VTI1A: variants seen among roughly 807,000 people sequenced by gnomAD.
The protein encoded by VTI1A is vesicle transport through interaction with t-SNAREs 1A, also known as vesicle transport through interaction with t-SNAREs homolog 1A.
In VTI1A, 22 loss-of-function variants were observed where a neutral mutation model predicts 34.9. The ratio of observed to expected loss-of-function variants is 0.63; its 90% CI spans 0.45 to 0.90. The LOEUF is 0.90. Among genes scored for constraint, VTI1A ranks in the 40% least tolerant of loss-of-function variants. VTI1A has a pLI of 0.00. For missense variants in VTI1A, 268 were observed against 275.6 expected (o/e 0.97, Z 0.20); for synonymous variants, 87 against 97.3 (o/e 0.89, Z 0.62).
In VTI1A at chr10:112,453,675, T is replaced by C. The variant is rs961097662; in HGVS notation, c.94+6208T>C. On this transcript the variant is annotated intron_variant, in intron 1 of 7. Coordinates refer to ENST00000393077, the MANE Select transcript of VTI1A (RefSeq NM_145206.4). Reference sequence around the variant, plus strand: ...CCATCATTTTGGCTTTTTTCTTTTCTTTTTTTTAAGGACTATATTGCTTTC... The same window carrying C: ...CCATCATTTTGGCTTTTTTCTTTTCCTTTTTTTAAGGACTATATTGCTTTC... 2.0e-5 allele frequency among the ~76,000 whole-genome samples: 3 copies of C among 151,644 alleles called. No homozygotes were observed. The East Asian group carries it at 5.8e-4, about 29-fold the overall frequency.
At chr10:112,805,683 C>T (rs989333089) in intron 7 of VTI1A, among the ~76,000 whole-genome samples, 18 of 152,170 alleles carry the variant, frequency 1.2e-4, no homozygotes, top group Non-Finnish European at 1.9e-4. Context: ...AACACAGGCA[C>T]TCACACAGAG....
chr10:112,656,109 G>A (rs577017576), intron 5 of VTI1A, among the ~76,000 whole-genome samples: 2 of 152,266 alleles, frequency 1.3e-5, no homozygotes, highest in African/African-American at 2.4e-5. Flanking sequence ...AAAAGGTCCC[G>A]GTGCCATAGG....
At chr10:112,814,847 G>T (rs1853453287) in intron 7 of VTI1A, among the ~76,000 whole-genome samples, 1 of 151,994 alleles carries the variant, frequency 6.6e-6, no homozygotes, top group South Asian at 2.1e-4. Context: ...AGGTATTTTT[G>T]TGCAGGTAAG....
At chr10:112,529,757 C>A (rs2134230010) in intron 4 of VTI1A, among the ~76,000 whole-genome samples, 1 of 151,880 alleles carries the variant, frequency 6.6e-6, no homozygotes, top group Admixed American at 6.5e-5. Context: ...AAATATAGAT[C>A]AAAATAGGAA....
At chr10:112,853,214 G>A in the VTI1A span, among the ~76,000 whole-genome samples, 1 of 152,116 alleles carries the variant, frequency 6.6e-6, no homozygotes, top group African/African-American at 2.4e-5. Flanking sequence ...TCACTATTTC[G>A]CCTGCAATCT....
chr10:112,728,020 C>G (rs1411913114), intron 7 of VTI1A, among the ~76,000 whole-genome samples: 1 of 152,156 alleles, frequency 6.6e-6, no homozygotes, highest in Non-Finnish European at 1.5e-5. Context: ...ATTCCACACC[C>G]CTAGCAGCAC....
intron 3 of VTI1A, among the ~76,000 whole-genome samples, chr10:112,505,140 A>G (rs1564804466): frequency 1.3e-5 from 2 of 151,962 alleles, no homozygotes; most frequent in Non-Finnish European, 2.9e-5. Flanking sequence ...TGTTTTTTAT[A>G]TAGTTGAAAT....
intron 7 of VTI1A, among the ~76,000 whole-genome samples, chr10:112,788,807 T>C (rs573629557): frequency 1.1e-4 from 17 of 152,160 alleles, no homozygotes; most frequent in African/African-American, 4.1e-4. Flanking sequence ...AATTCACATA[T>C]TGATTTTTTT....
At chr10:112,748,516 C>T (rs1850983633) in intron 7 of VTI1A, among the ~76,000 whole-genome samples, 1 of 150,328 alleles carries the variant, frequency 6.7e-6, no homozygotes, top group Non-Finnish European at 1.5e-5. Context: ...TCCTTTATTA[C>T]TTATTCTGAA....
chr10:112,810,110 T>A (rs1471723266), intron 7 of VTI1A, among the ~76,000 whole-genome samples: 3 of 150,154 alleles, frequency 2.0e-5, no homozygotes, highest in African/African-American at 4.9e-5. Context: ...AAAAAAAAAA[T>A]GTTCACTGTC....
chr10:112,815,243 G>T (rs1183331191), intron 7 of VTI1A, 47 bp from the exon 8 acceptor site: 2 of 1,540,816 alleles, frequency 1.3e-6, no homozygotes, highest in African/African-American at 2.7e-5. Flanking sequence ...TTGTGGGAAG[G>T]CCTTCCACTT....
intron 7 of VTI1A, among the ~76,000 whole-genome samples, chr10:112,803,982 C>A (rs1176392992): frequency 6.6e-6 from 1 of 152,228 alleles, no homozygotes; most frequent in Non-Finnish European, 1.5e-5. Flanking sequence ...TGCAGGCCCC[C>A]TGCCATTGTC....
At chr10:112,516,376 G>A (rs1039519325) in intron 3 of VTI1A, among the ~76,000 whole-genome samples, 2 of 151,986 alleles carry the variant, frequency 1.3e-5, no homozygotes, top group African/African-American at 4.8e-5. Flanking sequence ...GTGGTCTGTT[G>A]CTTACCATTT....
the VTI1A span, among the ~76,000 whole-genome samples, chr10:112,851,033 A>G: frequency 2.0e-5 from 3 of 152,220 alleles, no homozygotes; most frequent in African/African-American, 7.2e-5. Flanking sequence ...ACAGAGGCGC[A>G]TGTTTCCTTC....
intron 7 of VTI1A, among the ~76,000 whole-genome samples, chr10:112,718,089 A>G (rs1849673059): frequency 6.6e-6 from 1 of 152,190 alleles, no homozygotes; most frequent in South Asian, 2.1e-4. Context: ...CAAGATGACA[A>G]CATTTTATAA....
intron 7 of VTI1A, among the ~76,000 whole-genome samples, chr10:112,757,522 A>T (rs1851330460): frequency 6.6e-6 from 1 of 150,938 alleles, no homozygotes; most frequent in South Asian, 2.1e-4. Context: ...GTTACTGGGA[A>T]TACAGGCACG....
chr10:112,576,444 A>C (rs1191767044), intron 5 of VTI1A, among the ~76,000 whole-genome samples: 1 of 152,238 alleles, frequency 6.6e-6, no homozygotes, highest in East Asian at 1.9e-4. Flanking sequence ...ACATTCAGGA[A>C]ACACCCAATT....
chr10:112,532,396 G>T (rs960932770), intron 4 of VTI1A, among the ~76,000 whole-genome samples: 1 of 152,176 alleles, frequency 6.6e-6, no homozygotes, highest in African/African-American at 2.4e-5. Context: ...CTGAATTGCT[G>T]AGGATGCAAA....
chr10:112,722,563 C>T (rs1483866072), intron 7 of VTI1A, among the ~76,000 whole-genome samples: 2 of 152,004 alleles, frequency 1.3e-5, no homozygotes, highest in Non-Finnish European at 2.9e-5. Flanking sequence ...CTGCAACATG[C>T]TGTTGTTCTT....
Sources: allele counts gnomAD v4.1 joint callset (sites outside exome capture counted in the v4.1 genomes callset), GRCh38; gene constraint gnomAD v4.1.1; transcripts MANE v1.5; gene names NCBI Gene and HGNC (gene_info 2026-07-23, HGNC 2026-07-21).